SGCD: variants seen among roughly 807,000 people sequenced by gnomAD.
SGCD encodes the protein delta-sarcoglycan.
In SGCD, 18 loss-of-function variants were observed where a neutral mutation model predicts 36.6. The observed-to-expected ratio is 0.49, with a 90% CI of 0.34 to 0.73. SGCD has a LOEUF of 0.73. Among genes scored for constraint, SGCD ranks in the 30% least tolerant of loss-of-function variants. SGCD has a pLI of 0.01. For missense variants in SGCD, 387 were observed against 346.7 expected (o/e 1.12, Z -0.92); for synonymous variants, 133 against 130.6 (o/e 1.02, Z -0.12).
At chr5:156,367,741 C>T (rs1337008657) in intron 3 of SGCD, among the ~76,000 whole-genome samples, 1 of 152,168 alleles carries the variant, frequency 6.6e-6, no homozygotes, top group Non-Finnish European at 1.5e-5. Flanking sequence ...TAGCATTAGG[C>T]CCAGCTGTGG....
intron 3 of SGCD, among the ~76,000 whole-genome samples, chr5:156,439,552 A>G (rs989493663): frequency 2.0e-5 from 3 of 152,038 alleles, no homozygotes; most frequent in African/African-American, 7.2e-5. Flanking sequence ...TGGGGTTAAC[A>G]TTCCATGGTG....
intron 3 of SGCD, among the ~76,000 whole-genome samples, chr5:156,284,740 G>T (rs1400835810): frequency 6.6e-6 from 1 of 152,130 alleles, no homozygotes; most frequent in Non-Finnish European, 1.5e-5. Context: ...AAAACTGGAA[G>T]CATTCCCTTT....
chr5:156,546,914 G>A (rs1758598182), intron 4 of SGCD, among the ~76,000 whole-genome samples: 1 of 152,150 alleles, frequency 6.6e-6, no homozygotes, highest in East Asian at 1.9e-4. Context: ...TTTCAGGAAA[G>A]GTAACTAGAT....
At chr5:156,554,498 G>T (rs1177045218) in intron 4 of SGCD, among the ~76,000 whole-genome samples, 1 of 151,186 alleles carries the variant, frequency 6.6e-6, no homozygotes, top group Non-Finnish European at 1.5e-5. Context: ...TTGTAGGTAT[G>T]CAGGTATAGG....
intron 3 of SGCD, among the ~76,000 whole-genome samples, chr5:156,295,057 A>G (rs1766859371): frequency 6.6e-6 from 1 of 152,120 alleles, no homozygotes; most frequent in African/African-American, 2.4e-5. Flanking sequence ...ATTGCTATTA[A>G]TTCTTTAAAT....
chr5:155,870,436 A>T (rs1045278625), intron 1 of SGCD: 1 of 152,092 alleles, frequency 6.6e-6, no homozygotes, highest in Non-Finnish European at 1.5e-5. Context: ...TAACTCTCCA[A>T]ATTTTACTTA....
chr5:155,841,711 T>TC, the SGCD span, among the ~76,000 whole-genome samples: 1 of 152,162 alleles, frequency 6.6e-6, no homozygotes, highest in African/African-American at 2.4e-5. Context: ...AATATGATTT[T>TC]CCCCCATTTT....
intron 4 of SGCD, among the ~76,000 whole-genome samples, chr5:156,519,944 G>A (rs1272700533): frequency 1.3e-5 from 2 of 152,082 alleles, no homozygotes; most frequent in Non-Finnish European, 2.9e-5. Context: ...ATTTCCTTTT[G>A]AAAACTGGCA....
At chr5:156,599,973 G>T (rs1479041461) in intron 6 of SGCD, among the ~76,000 whole-genome samples, 3 of 152,190 alleles carry the variant, frequency 2.0e-5, no homozygotes, top group Non-Finnish European at 4.4e-5. Context: ...AGAGTTAATA[G>T]TACAGTGTGT....
chr5:156,015,869 A>G (rs1241440070), intron 1 of SGCD, among the ~76,000 whole-genome samples: 2 of 149,766 alleles, frequency 1.3e-5, no homozygotes, highest in Admixed American at 1.3e-4. Flanking sequence ...TATATAATAT[A>G]TGTAATTATA....
chr5:155,921,920 C>G (rs574509458), intron 1 of SGCD, among the ~76,000 whole-genome samples: 1 of 152,328 alleles, frequency 6.6e-6, no homozygotes, highest in East Asian at 1.9e-4. Context: ...TCATCTTTAC[C>G]AGGGTGCCTA....
At chr5:156,158,696 G>A (rs1206643677) in intron 3 of SGCD, among the ~76,000 whole-genome samples, 1 of 151,618 alleles carries the variant, frequency 6.6e-6, no homozygotes, top group Admixed American at 6.6e-5. Context: ...ATGTGGAGGA[G>A]CAAATGGAAG....
chr5:156,543,568 C>T (rs188537403), intron 4 of SGCD, among the ~76,000 whole-genome samples: 44 of 152,290 alleles, frequency 2.9e-4, no homozygotes, highest in African/African-American at 1.0e-3. Context: ...TCTCATTAAG[C>T]CACAGCGTCT....
intron 7 of SGCD, among the ~76,000 whole-genome samples, chr5:156,734,678 T>A (rs11954233): frequency 6.6e-6 from 1 of 152,136 alleles, no homozygotes; most frequent in Non-Finnish European, 1.5e-5. Flanking sequence ...TATTGCATTA[T>A]AAAATTCTTG....
chr5:155,955,535 T>C, intron 1 of SGCD, among the ~76,000 whole-genome samples: 1 of 152,150 alleles, frequency 6.6e-6, no homozygotes, highest in East Asian at 1.9e-4. Context: ...GACACTTTTA[T>C]CTTTCTCATT....
the SGCD span, among the ~76,000 whole-genome samples, chr5:155,834,502 C>G: frequency 1.6e-4 from 25 of 152,006 alleles, no homozygotes; most frequent in Non-Finnish European, 3.4e-4. Context: ...TGTTTTGTAA[C>G]CTTATCGTGT....
chr5:156,190,852 G>C (rs1245808841), intron 3 of SGCD, among the ~76,000 whole-genome samples: 3 of 151,998 alleles, frequency 2.0e-5, no homozygotes, highest in Non-Finnish European at 4.4e-5. Context: ...GTAGTTACCT[G>C]CTATTAACTT....
chr5:156,682,337 A>G (rs1189661750), intron 7 of SGCD, among the ~76,000 whole-genome samples: 1 of 152,252 alleles, frequency 6.6e-6, no homozygotes, highest in Admixed American at 6.5e-5. Flanking sequence ...TGTTATGGGC[A>G]TCTGAATATT....
chr5:156,289,168 C>T (rs917020607), intron 3 of SGCD, among the ~76,000 whole-genome samples: 4 of 151,952 alleles, frequency 2.6e-5, no homozygotes, highest in Admixed American at 1.3e-4. Context: ...TTGATCCCCT[C>T]GTGGATATTC....
Sources: gnomAD v4.1 joint callset for allele counts (sites outside exome capture counted in the v4.1 genomes callset) on GRCh38, gnomAD v4.1.1 for gene constraint, MANE v1.5 for transcripts, NCBI Gene and HGNC (gene_info 2026-07-23, HGNC 2026-07-21) for gene names.